Variants in RALGDS observed in about 807,000 individuals in gnomAD.
RALGDS encodes ral guanine nucleotide dissociation stimulator.
Under a neutral mutation model 99.8 loss-of-function variants are expected in RALGDS, and 44 were observed. That is an observed-to-expected ratio of 0.44 (90% CI 0.35 to 0.57). The LOEUF (loss-of-function observed/expected upper bound fraction) is 0.57, where lower values mean the gene tolerates loss of function less well. Among genes scored for constraint, RALGDS ranks in the 20% least tolerant of loss-of-function variants. RALGDS has a pLI of 0.01. For missense variants in RALGDS, 1,022 were observed against 1,203.1 expected (o/e 0.85, Z 2.23); for synonymous variants, 529 against 505.0 (o/e 1.05, Z -0.64).
chr9:133,138,791 C>T lies in RALGDS; in HGVS notation c.18+10172G>A, dbSNP rs145990975. Among the ~76,000 whole-genome samples, 76 of 152,304 alleles carry T rather than the reference C, an allele frequency of 5.0e-4. No homozygotes were observed. In the East Asian group the frequency reaches 0.012, roughly 25 times the overall value. ...CTGGAATTACAGGTGTGCACCACCA[C>T]GCCCGGCTAATTTTTGTATTTTTAG... On this transcript the variant is annotated intron_variant, in intron 1 of 17. Coordinates refer to the RALGDS transcript ENST00000393160.
Position 133,107,970 on chromosome 9 carries a change from C to A in RALGDS, c.1197+18G>T. 1 of 1,612,766 alleles carries A rather than the reference C, an allele frequency of 6.2e-7. No homozygotes were observed. Among genetic ancestry groups the A allele is most frequent in the Non-Finnish European group, 8.5e-7 (1 of 1,180,020 alleles). ...AGAAGGCAGGCCCACCCCTGCCCTGCCAAGCTGAGCTGCTCACCGCATCCA... is the reference window on the plus strand; with the variant it reads ...AGAAGGCAGGCCCACCCCTGCCCTGACAAGCTGAGCTGCTCACCGCATCCA... On this transcript the variant is annotated intron_variant, in intron 6 of 17. Coordinates refer to ENST00000372050, the MANE Select transcript of RALGDS (RefSeq NM_006266.4).
intron 6 of RALGDS, 37 bp from the exon 7 acceptor site, chr9:133,107,337 AGCAGTCTGG>A (rs770999324): frequency 3.4e-5 from 53 of 1,557,974 alleles, no homozygotes; most frequent in Non-Finnish European, 4.5e-5. Context: ...GTCCTGCCCC[AGCAGTCTGG>A]GCTGGTGCTG....
intron 1 of RALGDS, among the ~76,000 whole-genome samples, chr9:133,118,867 C>T (rs1350416781): frequency 6.6e-6 from 1 of 152,192 alleles, no homozygotes; most frequent in Admixed American, 6.5e-5. Flanking sequence ...AGAGACTTCC[C>T]TTCTCTGACC....
intron 6 of RALGDS, 52 bp from the exon 7 acceptor site, chr9:133,107,352 T>TG (rs776133820): frequency 9.1e-5 from 137 of 1,498,566 alleles, no homozygotes; most frequent in Non-Finnish European, 1.1e-4. Context: ...TCTGGGCTGG[T>TG]GCTGGGGAAG....
intron 10 of RALGDS, among the ~76,000 whole-genome samples, 156 bp downstream of exon 10, chr9:133,104,107 C>T (rs1830899831): frequency 6.6e-6 from 1 of 152,228 alleles, no homozygotes; most frequent in Non-Finnish European, 1.5e-5. Context: ...TGCAGCTGGT[C>T]TTCCCAGATA....
intron 1 of RALGDS, among the ~76,000 whole-genome samples, chr9:133,114,036 T>C (rs1361690384): frequency 6.6e-6 from 1 of 152,188 alleles, no homozygotes; most frequent in Admixed American, 6.5e-5. Flanking sequence ...GCCTCGGCTG[T>C]CCCTGAGCAG....
chr9:133,108,528 C>G (rs1831185191), intron 5 of RALGDS, 122 bp from the exon 6 acceptor site: 1 of 1,405,120 alleles, frequency 7.1e-7, no homozygotes, highest in Non-Finnish European at 9.8e-7. Flanking sequence ...TACCAGGCCA[C>G]TCTCCTGCCT....
upstream of RALGDS, among the ~76,000 whole-genome samples, chr9:133,122,147 G>A (rs1024916633): frequency 5.3e-5 from 8 of 152,230 alleles, no homozygotes; most frequent in African/African-American, 1.9e-4. Flanking sequence ...CTGGTCTCAG[G>A]GTGGAAGTGG....
intron 2 of RALGDS, among the ~76,000 whole-genome samples, chr9:133,111,415 G>A (rs956939344): frequency 7.2e-5 from 11 of 152,152 alleles, no homozygotes; most frequent in African/African-American, 2.7e-4. Flanking sequence ...CAAGTAGTTG[G>A]GATTACAGGC....
At chr9:133,133,651 G>A (rs966636389), upstream of RALGDS, among the ~76,000 whole-genome samples, 2 of 152,216 alleles carry the variant, frequency 1.3e-5, no homozygotes, top group African/African-American at 4.8e-5. Context: ...GCCATACATG[G>A]CACAAACATT....
intron 8 of RALGDS, 131 bp downstream of exon 8, chr9:133,106,514 G>C (rs1013049216): frequency 4.4e-6 from 3 of 685,242 alleles, no homozygotes; most frequent in Non-Finnish European, 7.8e-6. Flanking sequence ...AGGCAGAGCT[G>C]CTGCCAACTC....
chr9:133,149,022 C>A, exon 1 of RALGDS: 1 of 1,528,690 alleles, frequency 6.5e-7, no homozygotes, highest in East Asian at 2.6e-5. Flanking sequence ...GGGCGGGACC[C>A]GGGGCTCGCA....
chr9:133,124,827 G>A (rs558531642), upstream of RALGDS, among the ~76,000 whole-genome samples: 41 of 152,362 alleles, frequency 2.7e-4, 1 homozygote, highest in Middle Eastern at 6.8e-3. Flanking sequence ...CTGGGACAGC[G>A]TGTGTCACCA....
chr9:133,102,402 C>T (rs1830798908), intron 14 of RALGDS, 74 bp downstream of exon 14: 2 of 1,513,384 alleles, frequency 1.3e-6, no homozygotes, highest in Admixed American at 3.4e-5. Context: ...CCCTGACTCC[C>T]TGAGCCCAGG....
chr9:133,112,181 G>T, intron 1 of RALGDS, 29 bp from the exon 2 acceptor site: 3 of 1,506,538 alleles, frequency 2.0e-6, no homozygotes, highest in Non-Finnish European at 2.7e-6. Flanking sequence ...GCAGCCGGGC[G>T]CGGGGACGTC....
upstream of RALGDS, among the ~76,000 whole-genome samples, chr9:133,135,005 A>G (rs1478199171): frequency 6.6e-6 from 1 of 152,128 alleles, no homozygotes; most frequent in African/African-American, 2.4e-5. Context: ...GACTTTTCAT[A>G]AAGAGTCAAA....
chr9:133,104,224 G>A (rs755761461), intron 10 of RALGDS, 39 bp downstream of exon 10: 2 of 1,580,236 alleles, frequency 1.3e-6, no homozygotes, highest in South Asian at 2.2e-5. Context: ...CTACCCCCAG[G>A]CCAGCCCCCT....
upstream of RALGDS, among the ~76,000 whole-genome samples, chr9:133,135,113 G>T (rs1564253100): frequency 6.6e-6 from 1 of 152,184 alleles, no homozygotes; most frequent in Non-Finnish European, 1.5e-5. Flanking sequence ...TGGGGAGGCA[G>T]AGCCGCAGAA....
chr9:133,106,065 G>A, intron 8 of RALGDS, 49 bp from the exon 9 acceptor site: 3 of 1,426,190 alleles, frequency 2.1e-6, no homozygotes, highest in East Asian at 2.3e-5. Flanking sequence ...TGGTAGGGAG[G>A]GGTGTGAGTG....
Sources: gnomAD v4.1 joint callset for allele counts (sites outside exome capture counted in the v4.1 genomes callset) on GRCh38, gnomAD v4.1.1 for gene constraint, MANE v1.5 for transcripts, NCBI Gene and HGNC (gene_info 2026-07-23, HGNC 2026-07-21) for gene names.